The following ERCC6L2 variants were observed in gnomAD, a reference collection of about 807,000 sequenced individuals.
ERCC6L2 encodes the protein ERCC excision repair 6 like 2, also known as DNA excision repair protein ERCC-6-like 2.
In ERCC6L2, 77 loss-of-function variants were observed where a neutral mutation model predicts 132.0. The ratio of observed to expected loss-of-function variants is 0.58; its 90% CI spans 0.49 to 0.71. ERCC6L2 has a LOEUF of 0.71. Ranked by LOEUF, ERCC6L2 falls within the 30% of genes least tolerant of loss-of-function variation. The pLI, the probability that ERCC6L2 is intolerant of heterozygous loss-of-function variation, is 0.00. For missense variants in ERCC6L2, 1,542 were observed against 1,837.6 expected, an observed-to-expected ratio of 0.84 and a Z score of 2.94; for synonymous variants, 583 against 632.4, an observed-to-expected ratio of 0.92 and a Z score of 1.17.
intron 12 of ERCC6L2, among the ~76,000 whole-genome samples, chr9:95,948,637 C>G (rs75726078): frequency 0.026 from 3,933 of 151,956 alleles, 192 homozygotes; most frequent in African/African-American, 0.091. Flanking sequence ...CCAGAAATGA[C>G]CTGAGAAGAC....
chr9:96,015,027 T>G lies in ERCC6L2; in HGVS notation c.*1824T>G, dbSNP rs868425217. 5.7e-5 allele frequency among the ~76,000 whole-genome samples: 7 copies of G among 122,898 alleles called. No individual in the cohort carries two copies. The East Asian group carries it at 6.6e-4, about 12-fold the overall frequency. 80.6% of individuals were successfully genotyped at this position (122,898 alleles called of 152,430 possible). A position where few individuals can be genotyped will look rare whatever the true frequency, so the allele number is the denominator to read the frequency against. ...TCATATATGTACAGTTTTTTTTTTT[T>G]TTTTTTTTTTTTTGAGATTGAGTCT... On this transcript the variant is annotated 3_prime_UTR_variant, in exon 19 of 19. Transcript: ENST00000653738.
intron 15 of ERCC6L2, among the ~76,000 whole-genome samples, chr9:95,971,058 T>G (rs1264744624): frequency 6.6e-6 from 1 of 152,202 alleles, no homozygotes; most frequent in African/African-American, 2.4e-5. Flanking sequence ...ATTTGATTCC[T>G]TAATTTTGTG....
intron 18 of ERCC6L2, among the ~76,000 whole-genome samples, chr9:96,006,583 A>G (rs1042666151): frequency 6.6e-6 from 1 of 152,220 alleles, no homozygotes; most frequent in Non-Finnish European, 1.5e-5. Context: ...TACAGTTGAG[A>G]TAACAGAACC....
At chr9:96,022,695 G>A (rs900827367), downstream of ERCC6L2, among the ~76,000 whole-genome samples, 1 of 152,190 alleles carries the variant, frequency 6.6e-6, no homozygotes, top group Non-Finnish European at 1.5e-5. Flanking sequence ...AGGCAGTGGG[G>A]CACAGGTTCA....
rs372304269 is a variant in ERCC6L2 at position 96,015,351 on chromosome 9, A to C, written c.*2148A>C. Reference sequence around the variant, plus strand: ...CAGGTGCGTGCCACCACGCCCAGCTAATTTTTTTGTGTTTTTAGTAGGGAT... The same window carrying C: ...CAGGTGCGTGCCACCACGCCCAGCTCATTTTTTTGTGTTTTTAGTAGGGAT... On this transcript the variant is annotated 3_prime_UTR_variant, in exon 19 of 19. Transcript: ENST00000653738. 6.6e-6 allele frequency among the ~76,000 whole-genome samples: 1 copy of C among 151,722 alleles called. No individual in the cohort carries two copies. The highest frequency in any genetic ancestry group is 2.0e-4 in the East Asian group (1 of 5,066).
rs961917066 is a variant in ERCC6L2, at chr9:96,018,359, A to G, written c.*5156A>G. 6.6e-6 allele frequency among the ~76,000 whole-genome samples: 1 copy of G among 152,204 alleles called. No homozygotes were observed. The highest frequency in any genetic ancestry group is 2.4e-5 in the African/African-American group (1 of 41,452). On this transcript the variant is annotated 3_prime_UTR_variant, in exon 19 of 19. Coordinates refer to ENST00000653738, the MANE Select transcript of ERCC6L2 (RefSeq NM_020207.7). ...ATTGCTGACTATATTTTACTTATCA[A>G]TTTGAAATTATATTGTTTTTATGTT...
chr9:96,032,681 C>G (rs1834474812), intron 19 of ERCC6L2, among the ~76,000 whole-genome samples: 1 of 152,210 alleles, frequency 6.6e-6, no homozygotes, highest in South Asian at 2.1e-4. Flanking sequence ...GTTGCTGCCT[C>G]ACCAGGAGCC....
chr9:96,002,699 G>A (rs959767239), intron 17 of ERCC6L2, among the ~76,000 whole-genome samples: 1 of 152,170 alleles, frequency 6.6e-6, no homozygotes, highest in Admixed American at 6.5e-5. Flanking sequence ...CTCCCAAAGT[G>A]CTGGGATTAC....
intron 17 of ERCC6L2, among the ~76,000 whole-genome samples, chr9:95,995,499 T>C (rs867958133): frequency 6.6e-6 from 1 of 152,130 alleles, no homozygotes. Context: ...AAGAAGAAAG[T>C]TTTCCCTACA....
chr9:95,894,143 A>G (rs1828318001), intron 2 of ERCC6L2, among the ~76,000 whole-genome samples: 1 of 152,316 alleles, frequency 6.6e-6, no homozygotes, highest in East Asian at 1.9e-4. Flanking sequence ...ATCTAACACA[A>G]TGCCTGTTTC....
rs757122125 is a variant in ERCC6L2, at chr9:95,916,319, G to T, written c.1043G>T (p.Arg348Ile). The T allele has an allele frequency of 2.0e-5, 33 of 1,613,964 alleles. 1 individual carries two copies. Among genetic ancestry groups the T allele is most frequent in the Non-Finnish European group, 2.6e-5 (31 of 1,180,008 alleles). The change falls in exon 6 of 19, where the codon AGA (arginine) becomes ATA (isoleucine). Residue 348 changes from arginine (R) to isoleucine (I), a missense_variant. By Grantham distance (97) the Arg-to-Ile change is moderately conservative. Around this residue, in one of 4 missense-constraint regions of ERCC6L2, gnomAD observed 945 missense variants for 1,105.2 expected, o/e 0.86. Coordinates refer to ENST00000653738, the MANE Select transcript of ERCC6L2 (RefSeq NM_020207.7). ...GGTCAGAGACACACGGCAACAAAGA[G>T]AGAACTAGCCACTGGCCGAAAGGCC... Reference protein sequence around the residue: ...EHGQRHTATKRELATGRKAMQ... With the variant: ...EHGQRHTATKIELATGRKAMQ...
rs1022331802 is a variant in ERCC6L2, at chr9:95,972,001, A to G, written c.2250A>G (p.Ala750=). 8 of 1,304,048 alleles carry G rather than the reference A, an allele frequency of 6.1e-6. No individual in the cohort carries two copies. The African/African-American group carries it at 9.1e-5, about 15-fold the overall frequency. 80.8% of individuals were successfully genotyped at this position (1,304,048 alleles called of 1,614,324 possible). A position where few individuals can be genotyped will look rare whatever the true frequency, so the allele number is the denominator to read the frequency against. ...CTGCAGAGCCACTGGCAAAGGAAGC[A>G]TGTGATCTCTGCAGTGACTTCAGTG... ...EQAAEPLAKE[A]CDLCSDFSDE... Residue 750 remains alanine (A), a synonymous_variant, in exon 16 of 19, where the codon GCA becomes GCG. Coordinates refer to ENST00000653738, the MANE Select transcript of ERCC6L2 (RefSeq NM_020207.7).
At chr9:96,035,252 C>T (rs1564314184) in intron 19 of ERCC6L2, among the ~76,000 whole-genome samples, 2 of 152,160 alleles carry the variant, frequency 1.3e-5, no homozygotes, top group African/African-American at 2.4e-5. Context: ...AGTAAGGCCC[C>T]TTCTTCAGGC....
intron 17 of ERCC6L2, 68 bp from the exon 18 acceptor site, chr9:96,004,452 A>G (rs1325244522): frequency 2.3e-6 from 2 of 873,596 alleles, no homozygotes; most frequent in Non-Finnish European, 3.2e-6. Context: ...AAAGTAAGAC[A>G]TTCTCATTAT....
At chr9:95,909,648 A>G (rs1478366423) in intron 4 of ERCC6L2, among the ~76,000 whole-genome samples, 1 of 152,088 alleles carries the variant, frequency 6.6e-6, no homozygotes, top group African/African-American at 2.4e-5. Flanking sequence ...TTCTTTCTTA[A>G]TGTTGCATTG....
intron 1 of ERCC6L2, chr9:95,877,025 C>G (rs1220215526): frequency 6.6e-6 from 1 of 152,120 alleles, no homozygotes; most frequent in Non-Finnish European, 1.5e-5. Context: ...TCCAGGGCCC[C>G]GAGGTGGGAA....
chr9:95,982,063 G>C (rs541169182), intron 17 of ERCC6L2, among the ~76,000 whole-genome samples: 1 of 152,242 alleles, frequency 6.6e-6, no homozygotes, highest in East Asian at 1.9e-4. Context: ...CCCTTGAATT[G>C]GATGACAGAC....
chr9:95,940,110 G>C (rs1353440124), intron 11 of ERCC6L2, among the ~76,000 whole-genome samples: 1 of 152,156 alleles, frequency 6.6e-6, no homozygotes, highest in African/African-American at 2.4e-5. Flanking sequence ...TCTTCACTCA[G>C]TCTTCTCTGA....
intron 4 of ERCC6L2, among the ~76,000 whole-genome samples, chr9:95,914,557 T>C (rs1231108682): frequency 6.6e-6 from 1 of 152,152 alleles, no homozygotes; most frequent in African/African-American, 2.4e-5. Flanking sequence ...TTTCACCATG[T>C]TGGCCAGGAT....
Sources: allele counts gnomAD v4.1 joint callset (sites outside exome capture counted in the v4.1 genomes callset), GRCh38; gene constraint gnomAD v4.1.1; regional missense constraint gnomAD v4.1.1; transcripts MANE v1.5; gene names NCBI Gene and HGNC (gene_info 2026-07-23, HGNC 2026-07-21).